The following PHACTR4 variants were observed in gnomAD, a reference collection of about 807,000 sequenced individuals.
PHACTR4 encodes protein phosphatase 1, regulatory subunit 124.
Under a neutral mutation model 72.7 loss-of-function variants are expected in PHACTR4, and 51 were observed. That is an observed-to-expected ratio of 0.70 (90% CI 0.56 to 0.89). PHACTR4 has a LOEUF of 0.89. Among genes scored for constraint, PHACTR4 ranks in the 40% least tolerant of loss-of-function variants. The pLI is 0.00. For synonymous variants in PHACTR4, 255 were observed against 302.5 expected, an observed-to-expected ratio of 0.84 and a Z score of 1.63; for missense variants, 731 against 861.8, an observed-to-expected ratio of 0.85 and a Z score of 1.90.
At chr1:28,432,413 C>T (rs1462052943) in intron 2 of PHACTR4, among the ~76,000 whole-genome samples, 1 of 148,748 alleles carries the variant, frequency 6.7e-6, no homozygotes, top group Non-Finnish European at 1.5e-5. Flanking sequence ...ATTTTTCTCC[C>T]ACTAGGATCT....
chr1:28,442,974 A>G (rs1186859381), intron 2 of PHACTR4, among the ~76,000 whole-genome samples: 2 of 152,126 alleles, frequency 1.3e-5, no homozygotes, highest in East Asian at 3.8e-4. Flanking sequence ...GAAACTACAT[A>G]TTATTAACTA....
chr1:28,392,256 A>G (rs755168634), intron 1 of PHACTR4, among the ~76,000 whole-genome samples: 1 of 152,102 alleles, frequency 6.6e-6, no homozygotes, highest in South Asian at 2.1e-4. Flanking sequence ...AGTCTGCTAC[A>G]TGCCCTTTAG....
In PHACTR4 at chr1:28,476,772, C is replaced by CTTTTTTTTTTTTTTTTTTTTTTT. The variant is rs35369238; in HGVS notation, c.1606+496_1606+497insTTTTTTTTTTTTTTTTTTTTTTT. On this transcript the variant is annotated intron_variant, in intron 8 of 13. Transcript: ENST00000373839. ...GTCTCGTTAGGTTGCCTAGCCTGTTCTTTTTTTTTTTTTTTGAGACGGAGT... is the reference window on the plus strand; with the variant it reads ...GTCTCGTTAGGTTGCCTAGCCTGTTCTTTTTTTTTTTTTTTTTTTTTTTTTTTTTTTTTTTTTTGAGACGGAGT... Among the ~76,000 whole-genome samples, 23 of 98,424 alleles carry CTTTTTTTTTTTTTTTTTTTTTTT rather than the reference C, an allele frequency of 2.3e-4. 4 individuals carry two copies. The highest frequency in any genetic ancestry group is 3.3e-4 in the Non-Finnish European group (17 of 50,908). 64.6% of individuals were successfully genotyped at this position (98,424 alleles called of 152,430 possible). A position where few individuals can be genotyped will look rare whatever the true frequency, so the allele number is the denominator to read the frequency against.
chr1:28,375,516 T>C (rs1651586230), intron 1 of PHACTR4, among the ~76,000 whole-genome samples: 1 of 150,682 alleles, frequency 6.6e-6, no homozygotes, highest in Non-Finnish European at 1.5e-5. Flanking sequence ...ACTTTGTCTC[T>C]ACAAAAAAAA....
intron 1 of PHACTR4, among the ~76,000 whole-genome samples, chr1:28,380,747 A>G (rs1308989830): frequency 7.9e-5 from 12 of 151,926 alleles, no homozygotes. Context: ...TCTACTTTTG[A>G]TGGGCATTTA....
At chr1:28,388,169 G>A (rs763922240) in intron 1 of PHACTR4, among the ~76,000 whole-genome samples, 78 of 149,004 alleles carry the variant, frequency 5.2e-4, no homozygotes, top group Non-Finnish European at 1.0e-3. Context: ...CAGCCTGGAC[G>A]ACAGAGTGAG....
At chr1:28,388,008 G>A (rs1652700583) in intron 1 of PHACTR4, among the ~76,000 whole-genome samples, 2 of 152,086 alleles carry the variant, frequency 1.3e-5, no homozygotes, top group Admixed American at 6.6e-5. Context: ...GATTACAGGT[G>A]TAAGCCACCA....
intron 2 of PHACTR4, among the ~76,000 whole-genome samples, chr1:28,442,908 C>A (rs1657145570): frequency 6.6e-6 from 1 of 152,214 alleles, no homozygotes; most frequent in East Asian, 1.9e-4. Context: ...GCATATTCAT[C>A]ATCTCCAACA....
intron 2 of PHACTR4, among the ~76,000 whole-genome samples, chr1:28,452,841 G>A (rs563245704): frequency 1.3e-5 from 2 of 151,152 alleles, no homozygotes; most frequent in African/African-American, 2.4e-5. Flanking sequence ...AAATAAGTCC[G>A]GGCACAGTGG....
chr1:28,474,642 A>C (rs1659803788), intron 7 of PHACTR4, among the ~76,000 whole-genome samples: 2 of 148,348 alleles, frequency 1.3e-5, no homozygotes, highest in Admixed American at 1.4e-4. Flanking sequence ...GCCCAGGTTC[A>C]AGCGATTCTC....
chr1:28,410,091 C>T (rs1231705502), intron 2 of PHACTR4, among the ~76,000 whole-genome samples: 1 of 150,740 alleles, frequency 6.6e-6, no homozygotes, highest in Admixed American at 6.6e-5. Context: ...CTCAGCTTCC[C>T]GAGTAGCTGG....
At chr1:28,380,323 T>G (rs976818465) in intron 1 of PHACTR4, among the ~76,000 whole-genome samples, 3 of 152,116 alleles carry the variant, frequency 2.0e-5, no homozygotes, top group African/African-American at 7.2e-5. Flanking sequence ...CCCAAAGTGC[T>G]GGGATTACAG....
At chr1:28,409,602 C>T (rs78085960) in intron 2 of PHACTR4, among the ~76,000 whole-genome samples, 12,146 of 152,188 alleles carry the variant, frequency 0.08, 596 homozygotes, top group South Asian at 0.15. Context: ...CTTCATCACA[C>T]GGAAAGAAGT....
chr1:28,489,998 T>C (rs1168819457), intron 10 of PHACTR4: 1 of 451,072 alleles, frequency 2.2e-6, no homozygotes, highest in Non-Finnish European at 4.4e-6. Flanking sequence ...TAGCAGTTAC[T>C]CTTGAGCAAG....
chr1:28,411,882 A>G (rs959802875), intron 2 of PHACTR4, among the ~76,000 whole-genome samples: 2 of 151,834 alleles, frequency 1.3e-5, no homozygotes, highest in African/African-American at 4.8e-5. Context: ...TGAACAAAAG[A>G]AAGAAAGAAC....
At chr1:28,402,937 G>C (rs568777361) in intron 1 of PHACTR4, among the ~76,000 whole-genome samples, 1 of 152,282 alleles carries the variant, frequency 6.6e-6, no homozygotes, top group East Asian at 1.9e-4. Flanking sequence ...GAAGAGTTCA[G>C]TATAATCTAA....
intron 2 of PHACTR4, among the ~76,000 whole-genome samples, chr1:28,458,690 A>T (rs1002792315): frequency 6.6e-6 from 1 of 152,194 alleles, no homozygotes; most frequent in African/African-American, 2.4e-5. Flanking sequence ...AAGGGCAGGG[A>T]AAGGGCAATG....
chr1:28,466,438 A>C lies in PHACTR4; in HGVS notation c.493A>C (p.Lys165Gln), dbSNP rs929296802. 6.2e-7 allele frequency: 1 copy of C among 1,614,090 alleles called. No homozygotes were observed. ...EAESVPENVPKPPLLPPKRPL... is the reference protein window; with the variant it reads ...EAESVPENVPQPPLLPPKRPL... ...AGAGTCTGTTCCTGAGAATGTACCC[A>C]AACCACCTTTACTTCCTCCCAAAAG... The change falls in exon 6 of 14, where the codon AAA becomes CAA. Residue 165 changes from lysine (K) to glutamine (Q), a missense_variant. By Grantham distance (53) the Lys-to-Gln change is moderately conservative. Coordinates refer to ENST00000373839, the MANE Select transcript of PHACTR4 (RefSeq NM_001048183.3).
At chr1:28,373,645 CAA>C (rs1015766211) in intron 1 of PHACTR4, among the ~76,000 whole-genome samples, 86 of 152,154 alleles carry the variant, frequency 5.7e-4, no homozygotes, top group African/African-American at 2.0e-3. Context: ...AGCCTGGTCT[CAA>C]ATTCCTTGGC....
Sources: gnomAD v4.1 joint callset for allele counts (sites outside exome capture counted in the v4.1 genomes callset) on GRCh38, gnomAD v4.1.1 for gene constraint, MANE v1.5 for transcripts, NCBI Gene and HGNC (gene_info 2026-07-23, HGNC 2026-07-21) for gene names.